The following CSMD1 variants were observed in gnomAD, a reference collection of about 807,000 sequenced individuals.
CSMD1 encodes the protein CUB and Sushi multiple domains 1.
Under a neutral mutation model 417.5 loss-of-function variants are expected in CSMD1, and 213 were observed. That is an observed-to-expected ratio of 0.51 (90% CI 0.46 to 0.57). CSMD1 has a LOEUF of 0.57. CSMD1 is among the 20% of genes least tolerant of loss of function. CSMD1 has a pLI of 0.00. For missense variants in CSMD1, 6,923 were observed against 4,529.7 expected (o/e 1.53, Z -15.17); for synonymous variants, 2,862 against 1,736.8 (o/e 1.65, Z -16.11).
At chr8:3,724,573 G>C (rs985898159) in intron 6 of CSMD1, among the ~76,000 whole-genome samples, 2 of 152,060 alleles carry the variant, frequency 1.3e-5, no homozygotes, top group African/African-American at 4.8e-5. Flanking sequence ...CTTCCTCTGG[G>C]CTGGGAGAGG....
chr8:4,145,837 G>A (rs1385113723), intron 3 of CSMD1, among the ~76,000 whole-genome samples: 1 of 151,190 alleles, frequency 6.6e-6, no homozygotes, highest in South Asian at 2.1e-4. Context: ...CTTCCAGGAA[G>A]CAGAGCCGTT....
At chr8:4,268,410 G>C (rs755394859) in intron 3 of CSMD1, among the ~76,000 whole-genome samples, 8 of 152,138 alleles carry the variant, frequency 5.3e-5, no homozygotes, top group Non-Finnish European at 1.0e-4. Flanking sequence ...AATTATTGTA[G>C]CAGTGACCAA....
At chr8:4,587,305 C>T (rs1352959998) in intron 2 of CSMD1, among the ~76,000 whole-genome samples, 4 of 152,080 alleles carry the variant, frequency 2.6e-5, no homozygotes. Context: ...CTTTTACTCA[C>T]TTTCTCTGCA....
At chr8:4,426,755 G>A (rs1021850016) in intron 2 of CSMD1, among the ~76,000 whole-genome samples, 2 of 146,512 alleles carry the variant, frequency 1.4e-5, no homozygotes, top group Non-Finnish European at 3.0e-5. Flanking sequence ...TAGTAATATA[G>A]TAATATTTTA....
Position 2,935,876 on chromosome 8 carries a change from A to G in CSMD1, c.*2709T>C, listed in dbSNP as rs572256152. 6.6e-6 allele frequency: 1 copy of G among 152,324 alleles called. No homozygotes were observed. Among genetic ancestry groups the G allele is most frequent in the Admixed American group, 6.5e-5 (1 of 15,308 alleles). The allele number at this position is 152,324 out of a possible 1,614,324, so 9.4% of individuals were successfully genotyped here. A position where few individuals can be genotyped will look rare whatever the true frequency, so the allele number is the denominator to read the frequency against. ...TGCAGCTAGCCTGAAAAAAGGCAAG[A>G]TGTGTGTGTAAAACAAGCAGCAGTT... On this transcript the variant is annotated 3_prime_UTR_variant, in exon 70 of 70. Transcript: ENST00000635120.
intron 3 of CSMD1, among the ~76,000 whole-genome samples, chr8:4,193,525 G>C (rs1160578913): frequency 6.6e-6 from 1 of 152,044 alleles, no homozygotes; most frequent in East Asian, 1.9e-4. Flanking sequence ...ATTACCCAAG[G>C]ACTGGCTGAA....
At chr8:4,009,444 C>T (rs575743538) in intron 4 of CSMD1, among the ~76,000 whole-genome samples, 2 of 152,234 alleles carry the variant, frequency 1.3e-5, no homozygotes, top group Admixed American at 6.5e-5. Flanking sequence ...ACAGCGGATA[C>T]ATCATTAAAT....
At chr8:4,209,283 C>G (rs1216770130) in intron 3 of CSMD1, among the ~76,000 whole-genome samples, 3 of 152,154 alleles carry the variant, frequency 2.0e-5, no homozygotes, top group Admixed American at 6.5e-5. Context: ...TCCTTCATTT[C>G]ACAGCTTGCT....
chr8:4,278,338 A>C (rs1391302650), intron 3 of CSMD1, among the ~76,000 whole-genome samples: 4 of 152,206 alleles, frequency 2.6e-5, no homozygotes, highest in Non-Finnish European at 4.4e-5. Context: ...AATGGCTAAT[A>C]TGTGACTTAA....
At chr8:3,425,619 G>C (rs542014869) in intron 12 of CSMD1, among the ~76,000 whole-genome samples, 3 of 148,862 alleles carry the variant, frequency 2.0e-5, no homozygotes, top group Admixed American at 6.7e-5. Flanking sequence ...AAAGAAAAAA[G>C]GAAAAAAAAG....
At chr8:4,779,566 G>A (rs964716408) in intron 1 of CSMD1, among the ~76,000 whole-genome samples, 1 of 152,152 alleles carries the variant, frequency 6.6e-6, no homozygotes, top group Non-Finnish European at 1.5e-5. Context: ...GAACAAAACG[G>A]ATATCATGTT....
At chr8:4,925,591 G>C (rs956280218) in intron 1 of CSMD1, among the ~76,000 whole-genome samples, 6 of 149,524 alleles carry the variant, frequency 4.0e-5, no homozygotes, top group Middle Eastern at 6.9e-3. Flanking sequence ...CTGTCTCCCA[G>C]GCTGGAGTGC....
intron 1 of CSMD1, among the ~76,000 whole-genome samples, chr8:4,946,294 T>A (rs755679360): frequency 5.3e-5 from 8 of 152,198 alleles, no homozygotes; most frequent in Non-Finnish European, 1.2e-4. Flanking sequence ...TTCCCAAAAC[T>A]AACCTCAATC....
chr8:4,074,048 G>A (rs978230432), intron 3 of CSMD1, among the ~76,000 whole-genome samples: 1 of 151,950 alleles, frequency 6.6e-6, no homozygotes, highest in Non-Finnish European at 1.5e-5. Context: ...TAGACATTTA[G>A]TTTTGTTATA....
At chr8:4,454,596 T>C (rs1478158376) in intron 2 of CSMD1, among the ~76,000 whole-genome samples, 2 of 152,166 alleles carry the variant, frequency 1.3e-5, no homozygotes, top group South Asian at 4.1e-4. Context: ...TAGGGCTGGC[T>C]GGGGAAGGAG....
At chr8:3,643,592 C>A (rs565057107) in intron 7 of CSMD1, among the ~76,000 whole-genome samples, 1 of 151,004 alleles carries the variant, frequency 6.6e-6, no homozygotes, top group Non-Finnish European at 1.5e-5. Flanking sequence ...TCCCAACTAC[C>A]CGGGCGGCTG....
intron 12 of CSMD1, among the ~76,000 whole-genome samples, chr8:3,424,436 C>G (rs1242612961): frequency 6.6e-6 from 1 of 152,152 alleles, no homozygotes; most frequent in Non-Finnish European, 1.5e-5. Flanking sequence ...GGTAGCACGT[C>G]TAGTCTGTGT....
chr8:4,200,295 T>TA (rs1182879086), intron 3 of CSMD1, among the ~76,000 whole-genome samples: 1 of 152,204 alleles, frequency 6.6e-6, no homozygotes, highest in Non-Finnish European at 1.5e-5. Context: ...ATTTTTTTGT[T>TA]AATTATGCTT....
rs1809522967 is a variant in CSMD1, at chr8:4,727,284, C to T, written c.86-89726G>A. ...ACCAGTTAATGTCTACCGGTGAAGT[C>T]TGTAACAATAATTAAGTAATTTAAT... On this transcript the variant is annotated intron_variant, in intron 1 of 69. Coordinates refer to ENST00000635120, the MANE Select transcript of CSMD1 (RefSeq NM_033225.6). Among the ~76,000 whole-genome samples the T allele has an allele frequency of 2.0e-5, 3 of 152,142 alleles. No individual in the cohort carries two copies. The South Asian group carries it at 6.2e-4, about 31-fold the overall frequency.
Sources: allele counts gnomAD v4.1 joint callset (sites outside exome capture counted in the v4.1 genomes callset), GRCh38; gene constraint gnomAD v4.1.1; transcripts MANE v1.5; gene names NCBI Gene and HGNC (gene_info 2026-07-23, HGNC 2026-07-21).